The following NEURL1 variants were observed in gnomAD, a reference collection of about 807,000 sequenced individuals.
The protein encoded by NEURL1 is E3 ubiquitin-protein ligase NEURL1.
NEURL1 carries 26 observed loss-of-function variants against 41.2 expected under a neutral mutation model. The observed-to-expected ratio is 0.63, with a 90% confidence interval of 0.46 to 0.87. The LOEUF is 0.87. Ranked by LOEUF, NEURL1 falls within the 40% of genes least tolerant of loss-of-function variation. NEURL1 has a pLI of 0.00. For synonymous variants in NEURL1, 400 were observed against 402.3 expected (o/e 0.99, Z 0.07); for missense variants, 761 against 871.1 (o/e 0.87, Z 1.59).
At chr10:103,505,844 A>G (rs1265740448) in intron 1 of NEURL1, among the ~76,000 whole-genome samples, 1 of 152,194 alleles carries the variant, frequency 6.6e-6, no homozygotes, top group Admixed American at 6.5e-5. Context: ...CTCCTGGCCA[A>G]GGAACTTTCA....
At chr10:103,499,105 C>T (rs1233234918) in intron 1 of NEURL1, among the ~76,000 whole-genome samples, 1 of 152,224 alleles carries the variant, frequency 6.6e-6, no homozygotes, top group Non-Finnish European at 1.5e-5. Flanking sequence ...TTGGATACTT[C>T]ACAAAGTCAC....
rs4918028 is a variant in NEURL1, at chr10:103,591,592, C to T, written c.*1220C>T. 105,579 of 152,056 alleles carry T rather than the reference C, an allele frequency of 0.69. 37,122 individuals carry two copies. The highest frequency in any genetic ancestry group is 0.86 in the South Asian group (4,144 of 4,824). The allele number at this position is 152,056 out of a possible 1,614,324, so 9.4% of individuals were successfully genotyped here. Reference sequence around the variant, plus strand: ...CATACCCAGCCCTACCAATCATGAACTGGAACTCCATAAGGAGGGGCCAAA... The same window carrying T: ...CATACCCAGCCCTACCAATCATGAATTGGAACTCCATAAGGAGGGGCCAAA... On this transcript the variant is annotated 3_prime_UTR_variant, in exon 6 of 6. Coordinates refer to ENST00000369780, the MANE Select transcript of NEURL1 (RefSeq NM_004210.5).
At chr10:103,529,316 G>A (rs550065569) in intron 1 of NEURL1, among the ~76,000 whole-genome samples, 6 of 152,330 alleles carry the variant, frequency 3.9e-5, no homozygotes, top group African/African-American at 1.4e-4. Context: ...CTTGAGCCGA[G>A]CCATGGGTTT....
intron 1 of NEURL1, among the ~76,000 whole-genome samples, chr10:103,515,190 C>A (rs951376161): frequency 1.4e-5 from 2 of 142,430 alleles, no homozygotes; most frequent in South Asian, 4.5e-4. Flanking sequence ...ATCACGCCGC[C>A]GTACTCCAGT....
chr10:103,495,907 A>C (rs1198748016), intron 1 of NEURL1, among the ~76,000 whole-genome samples: 3 of 152,226 alleles, frequency 2.0e-5, no homozygotes. Context: ...CAGGAGTTCC[A>C]GACCAGCCTG....
chr10:103,557,677 C>T (rs1046166503), intron 1 of NEURL1, among the ~76,000 whole-genome samples: 4 of 152,220 alleles, frequency 2.6e-5, no homozygotes, highest in Non-Finnish European at 5.9e-5. Flanking sequence ...CTTGCATATG[C>T]GTCCTCATGC....
chr10:103,561,224 A>G (rs1458550536), intron 1 of NEURL1, among the ~76,000 whole-genome samples: 1 of 150,828 alleles, frequency 6.6e-6, no homozygotes, highest in African/African-American at 2.4e-5. Flanking sequence ...TTTATAACCC[A>G]GTCTTGGGTG....
chr10:103,517,803 G>A (rs1447866233), intron 1 of NEURL1, among the ~76,000 whole-genome samples: 1 of 152,186 alleles, frequency 6.6e-6, no homozygotes, highest in African/African-American at 2.4e-5. Flanking sequence ...ATGCCTATGG[G>A]CTCTGAGCCT....
chr10:103,571,115 T>A lies in NEURL1; in HGVS notation c.327+2T>A, dbSNP rs914380228. 5.0e-6 allele frequency: 8 copies of A among 1,612,416 alleles called. No homozygotes were observed. Among genetic ancestry groups the A allele is most frequent in the Non-Finnish European group, 6.8e-6 (8 of 1,179,602 alleles). On this transcript the variant is annotated splice_donor_variant, in intron 2 of 5. Coordinates refer to ENST00000369780, the MANE Select transcript of NEURL1 (RefSeq NM_004210.5). LOFTEE classifies it high-confidence loss of function. ...ATCTACGAGCAAGTCAGGCTGAAGGTGGGCCTGCCCCCTGCCCCCGCCCCC... is the reference window on the plus strand; with the variant it reads ...ATCTACGAGCAAGTCAGGCTGAAGGAGGGCCTGCCCCCTGCCCCCGCCCCC...
intron 1 of NEURL1, among the ~76,000 whole-genome samples, chr10:103,496,589 A>C (rs963514566): frequency 6.6e-6 from 1 of 152,176 alleles, no homozygotes; most frequent in Non-Finnish European, 1.5e-5. Context: ...TATTTTTGTA[A>C]TCAGAAATAA....
intron 3 of NEURL1, among the ~76,000 whole-genome samples, chr10:103,574,384 G>T (rs1306217831): frequency 6.6e-6 from 1 of 152,118 alleles, no homozygotes; most frequent in Non-Finnish European, 1.5e-5. Flanking sequence ...CACAGGGAGT[G>T]TTTTTTATCC....
Position 103,590,361 on chromosome 10 carries a change from C to T in NEURL1, c.1714C>T (p.Arg572Cys), listed in dbSNP as rs765047012. The T allele has an allele frequency of 8.7e-6, 14 of 1,613,720 alleles. No individual in the cohort carries two copies. The highest frequency in any genetic ancestry group is 6.7e-5 in the East Asian group (3 of 44,876). The part of the protein sequence containing the change: ...RPIKDIIKTY[R>C]SS The stretch of plus-strand genomic sequence containing the variant: ...CATCAAGGACATCATCAAGACCTAC[C>T]GCAGCTCCTAGCCCGTTGCGGTGGC... Residue 572 changes from arginine to cysteine, a missense_variant, in exon 6 of 6, where the codon CGC becomes TGC. Transcript: ENST00000369780.
At chr10:103,589,084 A>G (rs868790771) in intron 4 of NEURL1, 3 of 380,600 alleles carry the variant, frequency 7.9e-6, no homozygotes, top group Non-Finnish European at 1.5e-5. Flanking sequence ...ATATCTGGGG[A>G]CAGTGGTGAA....
At chr10:103,513,692 G>A (rs141158754) in intron 1 of NEURL1, among the ~76,000 whole-genome samples, 27 of 151,714 alleles carry the variant, frequency 1.8e-4, no homozygotes, top group Admixed American at 7.9e-4. Flanking sequence ...TAGAACCCAG[G>A]GCCCCTGGTC....
At chr10:103,529,388 T>G (rs1265945461) in intron 1 of NEURL1, among the ~76,000 whole-genome samples, 1 of 152,200 alleles carries the variant, frequency 6.6e-6, no homozygotes, top group Non-Finnish European at 1.5e-5. Flanking sequence ...CCAAGATAAC[T>G]TGGGGCTCCT....
chr10:103,571,265 C>T (rs1449398595), intron 2 of NEURL1, 152 bp downstream of exon 2: 9 of 924,722 alleles, frequency 9.7e-6, no homozygotes, highest in Admixed American at 2.4e-5. Context: ...TGACCCTCTT[C>T]CCTCTTCCTT....
chr10:103,535,296 G>A (rs2034667710), intron 1 of NEURL1, among the ~76,000 whole-genome samples: 1 of 152,102 alleles, frequency 6.6e-6, no homozygotes, highest in African/African-American at 2.4e-5. Flanking sequence ...GCCCAGCTCT[G>A]GGGCAACAGA....
At chr10:103,567,969 T>C (rs746115302) in intron 1 of NEURL1, among the ~76,000 whole-genome samples, 8 of 152,244 alleles carry the variant, frequency 5.3e-5, no homozygotes, top group Non-Finnish European at 7.3e-5. Context: ...TTTGTATGTA[T>C]TGTTTTTCAC....
At chr10:103,547,136 A>G (rs1459525865) in intron 1 of NEURL1, among the ~76,000 whole-genome samples, 2 of 152,116 alleles carry the variant, frequency 1.3e-5, no homozygotes, top group Non-Finnish European at 2.9e-5. Context: ...TATCAACCCA[A>G]TTTTTCAGAA....
Sources: gnomAD v4.1 joint callset for allele counts (sites outside exome capture counted in the v4.1 genomes callset) on GRCh38, gnomAD v4.1.1 for gene constraint, MANE v1.5 for transcripts, NCBI Gene and HGNC (gene_info 2026-07-23, HGNC 2026-07-21) for gene names.